Variants in CACNA1C observed in about 807,000 individuals in gnomAD.
CACNA1C encodes the protein calcium voltage-gated channel subunit alpha1 C, also known as voltage-dependent L-type calcium channel subunit alpha-1C.
In CACNA1C, 30 loss-of-function variants were observed where a neutral mutation model predicts 229.0. The observed-to-expected ratio is 0.13, with a 90% CI of 0.10 to 0.18. The LOEUF (loss-of-function observed/expected upper bound fraction) is 0.18, where lower values mean the gene tolerates loss of function less well. CACNA1C is among the 10% of genes least tolerant of loss of function. The probability of loss-of-function intolerance (pLI) is 1.00; values close to 1 mark genes in which losing one functional copy is unlikely to be tolerated. For missense variants in CACNA1C, 1,658 were observed against 2,845.0 expected, an observed-to-expected ratio of 0.58 and a Z score of 9.49; for synonymous variants, 1,114 against 1,132.5, an observed-to-expected ratio of 0.98 and a Z score of 0.33.
intron 10 of CACNA1C, among the ~76,000 whole-genome samples, chr12:2,555,072 A>G (rs2043330502): frequency 6.6e-6 from 1 of 152,346 alleles, no homozygotes; most frequent in South Asian, 2.1e-4. Flanking sequence ...GGCTCTGTCC[A>G]TTTCGTGCTC....
chr12:2,228,204 A>G (rs11613885), intron 3 of CACNA1C, among the ~76,000 whole-genome samples: 7,041 of 152,150 alleles, frequency 0.046, 202 homozygotes, highest in South Asian at 0.097. Context: ...TACACAGGGA[A>G]CTCCCTATCA....
intron 3 of CACNA1C, among the ~76,000 whole-genome samples, chr12:2,165,613 A>G (rs1457997906): frequency 6.6e-6 from 1 of 151,838 alleles, no homozygotes; most frequent in Non-Finnish European, 1.5e-5. Context: ...GCCCAGCTTT[A>G]GACAGTGAAA....
intron 3 of CACNA1C, among the ~76,000 whole-genome samples, chr12:2,332,683 A>G (rs1203199377): frequency 2.0e-5 from 3 of 152,232 alleles, no homozygotes; most frequent in East Asian, 1.9e-4. Context: ...TAGCCCTACC[A>G]TGGAATAGGA....
chr12:2,232,694 A>G (rs2065808888), intron 3 of CACNA1C, among the ~76,000 whole-genome samples: 1 of 151,928 alleles, frequency 6.6e-6, no homozygotes, highest in Non-Finnish European at 1.5e-5. Flanking sequence ...TGATTTTTCT[A>G]TTGTCCTTTT....
At chr12:2,638,327 TGAG>T (rs1054462826) in intron 30 of CACNA1C, among the ~76,000 whole-genome samples, 2 of 152,166 alleles carry the variant, frequency 1.3e-5, no homozygotes, top group Non-Finnish European at 2.9e-5. Context: ...ATGAAGGAAT[TGAG>T]GATTCTCCAT....
chr12:2,168,922 C>T (rs2096361660), intron 3 of CACNA1C, among the ~76,000 whole-genome samples: 1 of 152,142 alleles, frequency 6.6e-6, no homozygotes, highest in Non-Finnish European at 1.5e-5. Flanking sequence ...TCAGGATGCC[C>T]TACCCTTTCT....
chr12:2,610,013 T>G lies in CACNA1C; in HGVS notation c.3559-528T>G, dbSNP rs191257571. Among the ~76,000 whole-genome samples the G allele has an allele frequency of 8.6e-4, 131 of 152,188 alleles. 3 individuals carry two copies. Among genetic ancestry groups the G allele is most frequent in the African/African-American group, 3.0e-3 (126 of 41,520 alleles). ...TGTGGCGTGTGCCTGTAATCACAGCTACTTGGGAGGCTGAGGCAGGAGAAT... is the reference window on the plus strand; with the variant it reads ...TGTGGCGTGTGCCTGTAATCACAGCGACTTGGGAGGCTGAGGCAGGAGAAT... On this transcript the variant is annotated intron_variant, in intron 27 of 46. Transcript: ENST00000399655.
At chr12:2,460,215 C>T (rs2154565534) in intron 5 of CACNA1C, among the ~76,000 whole-genome samples, 1 of 152,336 alleles carries the variant, frequency 6.6e-6, no homozygotes, top group East Asian at 1.9e-4. Flanking sequence ...TAGAGCCAAA[C>T]CGCACTAGCA....
intron 1 of CACNA1C, chr12:1,990,984 C>CAAAA (rs58516806): frequency 9.2e-6 from 3 of 324,452 alleles, no homozygotes; most frequent in Non-Finnish European, 1.8e-5. Flanking sequence ...ATAGAAAGGA[C>CAAAA]AAAAAAAAAA....
At chr12:2,267,436 T>C (rs2082806520) in intron 3 of CACNA1C, among the ~76,000 whole-genome samples, 1 of 152,080 alleles carries the variant, frequency 6.6e-6, no homozygotes, top group Non-Finnish European at 1.5e-5. Flanking sequence ...AGAGCCTCCT[T>C]GGAAGCTTGG....
rs993890963 is a variant in CACNA1C, at chr12:1,999,433, C to A, written c.139+28232C>A. Reference sequence around the variant, plus strand: ...GAAATTATAAATAAAGAATTTAGACCAGGCACAGTGGCTCATGTCTGTAAT... The same window carrying A: ...GAAATTATAAATAAAGAATTTAGACAAGGCACAGTGGCTCATGTCTGTAAT... On this transcript the variant is annotated intron_variant, in intron 1 of 46. Coordinates refer to the CACNA1C transcript ENST00000682462. Among the ~76,000 whole-genome samples the A allele has an allele frequency of 2.6e-5, 4 of 152,122 alleles. No individual in the cohort carries two copies. In the East Asian group the frequency reaches 5.8e-4, roughly 22 times the overall value.
At chr12:2,115,148 CT>C (rs2083336434) in intron 1 of CACNA1C, 75 bp from the exon 2 acceptor site, 1 of 1,170,182 alleles carries the variant, frequency 8.5e-7, no homozygotes, top group Non-Finnish European at 1.2e-6. Flanking sequence ...AATTGTGAAT[CT>C]GGGGTCCAGA....
chr12:2,146,519 C>T lies in CACNA1C; in HGVS notation c.477+26089C>T, dbSNP rs565081547. ...AATGAATGGTACAAAATTCCCTCCA[C>T]TGGCGCCACAGGAGGGGCAGCCCCG... On this transcript the variant is annotated intron_variant, in intron 3 of 46. Transcript: ENST00000399655. Among the ~76,000 whole-genome samples, 80 of 151,360 alleles carry T rather than the reference C, an allele frequency of 5.3e-4. 3 individuals carry two copies. The highest frequency in any genetic ancestry group is 2.2e-3 in the Admixed American group (33 of 15,056).
intron 3 of CACNA1C, among the ~76,000 whole-genome samples, chr12:2,126,013 G>A (rs934691548): frequency 2.0e-5 from 3 of 152,220 alleles, no homozygotes; most frequent in Non-Finnish European, 1.5e-5. Context: ...CCTCGCAAAC[G>A]CATCGGCTTC....
chr12:2,119,216 A>G (rs530549121), intron 2 of CACNA1C, among the ~76,000 whole-genome samples: 18 of 152,288 alleles, frequency 1.2e-4, no homozygotes, highest in African/African-American at 3.8e-4. Context: ...TTCTGCCTCA[A>G]TATTCACTAA....
intron 3 of CACNA1C, among the ~76,000 whole-genome samples, chr12:2,437,821 G>C (rs1354354037): frequency 6.6e-6 from 1 of 150,954 alleles, no homozygotes; most frequent in Non-Finnish European, 1.5e-5. Context: ...TGGTGGTGGT[G>C]GTAATGGTGG....
At chr12:2,478,023 G>T (rs539358642) in intron 5 of CACNA1C, among the ~76,000 whole-genome samples, 83 of 152,134 alleles carry the variant, frequency 5.5e-4, no homozygotes, top group African/African-American at 1.8e-3. Context: ...GTGACTATTG[G>T]ACTCTTAGGA....
chr12:2,232,894 C>T (rs1047316264), intron 3 of CACNA1C, among the ~76,000 whole-genome samples: 6 of 152,090 alleles, frequency 3.9e-5, no homozygotes, highest in East Asian at 1.9e-4. Context: ...CCATTGGGAG[C>T]GCTTTCTGGT....
At chr12:2,162,281 C>G (rs757646160) in intron 3 of CACNA1C, among the ~76,000 whole-genome samples, 1 of 151,842 alleles carries the variant, frequency 6.6e-6, no homozygotes, top group African/African-American at 2.4e-5. Context: ...GCCTCCCTGT[C>G]CCCTCCCGCT....
Sources: allele counts gnomAD v4.1 joint callset (sites outside exome capture counted in the v4.1 genomes callset), GRCh38; gene constraint gnomAD v4.1.1; transcripts MANE v1.5; gene names NCBI Gene and HGNC (gene_info 2026-07-23, HGNC 2026-07-21).